Variants in F2RL1 observed in about 807,000 individuals in gnomAD.
The protein encoded by F2RL1 is proteinase-activated receptor 2.
A neutral mutation model predicts 21.7 loss-of-function variants in F2RL1; 16 were observed. The ratio of observed to expected loss-of-function variants is 0.74; its 90% CI spans 0.50 to 1.12. The LOEUF is 1.12. F2RL1 is among the 50% of genes most tolerant of loss of function. F2RL1 has a pLI of 0.00. For missense variants in F2RL1, 432 were observed against 477.8 expected, an observed-to-expected ratio of 0.90 and a Z score of 0.89; for synonymous variants, 181 against 186.7, an observed-to-expected ratio of 0.97 and a Z score of 0.25.
In F2RL1 at chr5:76,819,323, T is replaced by C. The variant is rs966000134; in HGVS notation, c.82+59T>C. On this transcript the variant is annotated intron_variant, in intron 1 of 1. Coordinates refer to ENST00000296677, the MANE Select transcript of F2RL1 (RefSeq NM_005242.6). ...TGAGGAGCTGGGGTCCTGGGCACGCTGGGCAGACGGTGGGATCCGGGCAGG... is the reference window on the plus strand; with the variant it reads ...TGAGGAGCTGGGGTCCTGGGCACGCCGGGCAGACGGTGGGATCCGGGCAGG... The C allele has an allele frequency of 2.8e-6, 4 of 1,442,536 alleles. No individual in the cohort carries two copies. In the African/African-American group the frequency reaches 4.2e-5, roughly 15 times the overall value. 89.4% of individuals were successfully genotyped at this position (1,442,536 alleles called of 1,614,324 possible).
intron 1 of F2RL1, among the ~76,000 whole-genome samples, chr5:76,830,382 A>G (rs1054852252): frequency 3.3e-5 from 5 of 152,116 alleles, no homozygotes; most frequent in Non-Finnish European, 7.4e-5. Flanking sequence ...GGTTCAAGCA[A>G]TTCTCCTGCC....
intron 1 of F2RL1, among the ~76,000 whole-genome samples, chr5:76,821,772 G>T (rs750982742): frequency 1.3e-5 from 2 of 151,664 alleles, no homozygotes; most frequent in Non-Finnish European, 2.9e-5. Context: ...TAGAGACAGG[G>T]TTTCACCATA....
rs779766822 is a variant in F2RL1, at chr5:76,834,668, G to C, written c.*867G>C. The C allele has an allele frequency of 6.6e-6, 1 of 152,164 alleles. No homozygotes were observed. The highest frequency in any genetic ancestry group is 1.5e-5 in the Non-Finnish European group (1 of 68,036). 9.4% of individuals were successfully genotyped at this position (152,164 alleles called of 1,614,324 possible). A position where few individuals can be genotyped will look rare whatever the true frequency, so the allele number is the denominator to read the frequency against. On this transcript the variant is annotated 3_prime_UTR_variant, in exon 2 of 2. Coordinates refer to ENST00000296677, the MANE Select transcript of F2RL1 (RefSeq NM_005242.6). ...AATAGTCGTGAATCTTGTTCAAAAT[G>C]CAGATTCCTCAGATTCAATAATGAG...
intron 1 of F2RL1, among the ~76,000 whole-genome samples, chr5:76,832,020 A>T (rs116462677): frequency 0.024 from 3,595 of 152,008 alleles, 52 homozygotes; most frequent in African/African-American, 0.027. Context: ...AAAAAAAAAA[A>T]AATAATAAGT....
chr5:76,823,437 G>C (rs996829718), intron 1 of F2RL1, among the ~76,000 whole-genome samples: 6 of 146,754 alleles, frequency 4.1e-5, no homozygotes, highest in Admixed American at 3.4e-4. Flanking sequence ...GGAGTGCAGT[G>C]ATGTGATCTC....
chr5:76,830,959 G>A (rs1192317787), intron 1 of F2RL1, among the ~76,000 whole-genome samples: 3 of 152,068 alleles, frequency 2.0e-5, no homozygotes, highest in Non-Finnish European at 4.4e-5. Flanking sequence ...GTATACGGCA[G>A]TGCAAGTATT....
chr5:76,829,599 C>A (rs895355085), intron 1 of F2RL1, among the ~76,000 whole-genome samples: 1 of 152,106 alleles, frequency 6.6e-6, no homozygotes, highest in Non-Finnish European at 1.5e-5. Context: ...TAATCAAGCA[C>A]TGAATCCAAC....
At chr5:76,832,476 C>G (rs748790131) in intron 1 of F2RL1, among the ~76,000 whole-genome samples, 4 of 152,128 alleles carry the variant, frequency 2.6e-5, no homozygotes, top group Non-Finnish European at 5.9e-5. Context: ...TGGTGTGTGC[C>G]TGTGGCCTGG....
intron 1 of F2RL1, among the ~76,000 whole-genome samples, chr5:76,830,146 G>T (rs1352757892): frequency 6.6e-6 from 1 of 152,144 alleles, no homozygotes; most frequent in Non-Finnish European, 1.5e-5. Flanking sequence ...TTTCCAGCTT[G>T]CAGTGGCTGC....
At chr5:76,822,334 C>T (rs1315096704) in intron 1 of F2RL1, among the ~76,000 whole-genome samples, 1 of 152,126 alleles carries the variant, frequency 6.6e-6, no homozygotes, top group Admixed American at 6.6e-5. Flanking sequence ...TCTCATGCCT[C>T]AGCCTCTGGA....
At chr5:76,828,043 C>T (rs1421038729) in intron 1 of F2RL1, among the ~76,000 whole-genome samples, 1 of 151,948 alleles carries the variant, frequency 6.6e-6, no homozygotes, top group Non-Finnish European at 1.5e-5. Context: ...GATCTTGGCT[C>T]ATTGCAACCT....
Position 76,834,012 on chromosome 5 carries a change from A to G in F2RL1, c.*211A>G. On this transcript the variant is annotated 3_prime_UTR_variant, in exon 2 of 2. Coordinates refer to ENST00000296677, the MANE Select transcript of F2RL1 (RefSeq NM_005242.6). The stretch of plus-strand genomic sequence containing the variant: ...TGTCTGTTTCAGAATCTCTCTACTC[A>G]GATGACCCCAGAAACTGAACCAACA... 1 of 524,730 alleles carries G rather than the reference A, an allele frequency of 1.9e-6. No homozygotes were observed. 32.5% of individuals were successfully genotyped at this position (524,730 alleles called of 1,614,324 possible). A position where few individuals can be genotyped will look rare whatever the true frequency, so the allele number is the denominator to read the frequency against.
chr5:76,821,603 A>T (rs1580930038), intron 1 of F2RL1, among the ~76,000 whole-genome samples: 59 of 58,402 alleles, frequency 1.0e-3, no homozygotes, highest in Admixed American at 1.1e-3. Context: ...TTTTTTTTTG[A>T]CTCTCATTCG....
chr5:76,827,702 T>C (rs1188857793), intron 1 of F2RL1, among the ~76,000 whole-genome samples: 2 of 141,938 alleles, frequency 1.4e-5, no homozygotes, highest in East Asian at 2.1e-4. Flanking sequence ...CAAGTTCAAA[T>C]GATTCTCCTG....
At chr5:76,831,808 A>G (rs1377189442) in intron 1 of F2RL1, among the ~76,000 whole-genome samples, 2 of 152,074 alleles carry the variant, frequency 1.3e-5, no homozygotes, top group South Asian at 2.1e-4. Context: ...GATTACACGC[A>G]TGAGCCACCA....
rs2243046 is a variant in F2RL1 at position 76,828,730 on chromosome 5, G to A, written c.83-3960G>A. On this transcript the variant is annotated intron_variant, in intron 1 of 1. Coordinates refer to ENST00000296677, the MANE Select transcript of F2RL1 (RefSeq NM_005242.6). ...GCTGGTCTCAAACTCTTGGCCTCGA[G>A]CAATCCTTCCACGTCAGCCTCGCAA... Among the ~76,000 whole-genome samples the A allele has an allele frequency of 4.1e-3, 626 of 151,916 alleles. 6 individuals carry two copies. Among genetic ancestry groups the A allele is most frequent in the African/African-American group, 0.014 (580 of 41,398 alleles).
intron 1 of F2RL1, among the ~76,000 whole-genome samples, chr5:76,829,200 A>G (rs1280886443): frequency 6.6e-6 from 1 of 150,932 alleles, no homozygotes; most frequent in Non-Finnish European, 1.5e-5. Context: ...TATGTCTTTT[A>G]AATCTTCTAC....
intron 1 of F2RL1, among the ~76,000 whole-genome samples, chr5:76,825,047 G>T (rs1444543581): frequency 3.7e-5 from 5 of 134,022 alleles, no homozygotes; most frequent in Admixed American, 8.2e-5. Context: ...TCACTCTGTT[G>T]CCAGGCTGAA....
chr5:76,829,376 G>A (rs921132551), intron 1 of F2RL1, among the ~76,000 whole-genome samples: 3 of 151,806 alleles, frequency 2.0e-5, no homozygotes, highest in African/African-American at 7.3e-5. Flanking sequence ...GGTATTGAAG[G>A]CATGAGGCAC....
Sources: gnomAD v4.1 joint callset for allele counts (sites outside exome capture counted in the v4.1 genomes callset) on GRCh38, gnomAD v4.1.1 for gene constraint, MANE v1.5 for transcripts, NCBI Gene and HGNC (gene_info 2026-07-23, HGNC 2026-07-21) for gene names.